ASCC1: variants seen among roughly 807,000 people sequenced by gnomAD.
The protein encoded by ASCC1 is ASC-1 complex subunit P50.
ASCC1 carries 35 observed loss-of-function variants against 46.6 expected under a neutral mutation model. The ratio of observed to expected loss-of-function variants is 0.75; its 90% CI spans 0.57 to 0.99. ASCC1 has a LOEUF of 0.99. Among genes scored for constraint, ASCC1 ranks in the 50% least tolerant of loss-of-function variants. The pLI, the probability that ASCC1 is intolerant of heterozygous loss-of-function variation, is 0.00. For synonymous variants in ASCC1, 143 were observed against 146.6 expected, an observed-to-expected ratio of 0.98 and a Z score of 0.18; for missense variants, 376 against 428.7, an observed-to-expected ratio of 0.88 and a Z score of 1.09.
chr10:72,182,919 A>G (rs1000965286), intron 5 of ASCC1, among the ~76,000 whole-genome samples: 2 of 151,902 alleles, frequency 1.3e-5, no homozygotes, highest in Non-Finnish European at 2.9e-5. Flanking sequence ...GTATCAGATC[A>G]TATGCCATTA....
chr10:72,203,639 T>A, intron 3 of ASCC1, 115 bp from the exon 4 acceptor site: 1 of 792,504 alleles, frequency 1.3e-6, no homozygotes, highest in Non-Finnish European at 2.2e-6. Context: ...AGTAGTTCAG[T>A]AAAAGCTCAA....
At chr10:72,121,659 G>A (rs1667422558) in intron 9 of ASCC1, among the ~76,000 whole-genome samples, 1 of 152,146 alleles carries the variant, frequency 6.6e-6, no homozygotes, top group South Asian at 2.1e-4. Context: ...ATAAAGAGGA[G>A]CAATACATAA....
In ASCC1 at chr10:72,096,697, G is replaced by A. The variant is rs963166199; in HGVS notation, c.*637C>T. Reference sequence around the variant, plus strand: ...CTGATGGAGGAACAGAGTGTGGTACGCACATGTAACGGAACATTCCATTAT... The same window carrying A: ...CTGATGGAGGAACAGAGTGTGGTACACACATGTAACGGAACATTCCATTAT... On this transcript the variant is annotated 3_prime_UTR_variant, in exon 10 of 10. Transcript: ENST00000672957. The A allele has an allele frequency of 8.8e-6, 4 of 453,968 alleles. No homozygotes were observed. Among genetic ancestry groups the A allele is most frequent in the South Asian group, 3.1e-5 (2 of 64,480 alleles). The allele number at this position is 453,968 out of a possible 1,614,324, so 28.1% of individuals were successfully genotyped here.
At chr10:72,141,108 T>G (rs977824131) in intron 7 of ASCC1, among the ~76,000 whole-genome samples, 2 of 151,506 alleles carry the variant, frequency 1.3e-5, no homozygotes, top group African/African-American at 2.4e-5. Flanking sequence ...CATAGAGATA[T>G]AGATATACAG....
chr10:72,141,086 T>TAG (rs750282322), intron 7 of ASCC1, among the ~76,000 whole-genome samples: 179 of 122,170 alleles, frequency 1.5e-3, no homozygotes, highest in African/African-American at 4.9e-3. Context: ...GATAGATAGA[T>TAG]ATAGATATAG....
intron 5 of ASCC1, among the ~76,000 whole-genome samples, chr10:72,167,852 G>A (rs969756472): frequency 2.0e-5 from 3 of 151,882 alleles, no homozygotes; most frequent in African/African-American, 7.3e-5. Context: ...TGCCCAGGCT[G>A]GTTTCAAACT....
rs770609737 is a variant in ASCC1 at position 72,196,810 on chromosome 10, C to T, written c.489+1G>A. 1.2e-6 allele frequency: 2 copies of T among 1,612,344 alleles called. No individual in the cohort carries two copies. The highest frequency in any genetic ancestry group is 1.3e-5 in the African/African-American group (1 of 74,894). On this transcript the variant is annotated splice_donor_variant, in intron 5 of 9. Transcript: ENST00000672957. LOFTEE classifies it high-confidence loss of function. ...AACCTTCTTGCTTTGTTTGCACTTA[C>T]CATGGAGCACTTCGCCAGTACTTCC...
At chr10:72,215,405 A>C (rs1462962333) in intron 1 of ASCC1, among the ~76,000 whole-genome samples, 1 of 152,228 alleles carries the variant, frequency 6.6e-6, no homozygotes, top group East Asian at 1.9e-4. Flanking sequence ...TCTCAAAAAA[A>C]TAAATAAAAT....
At chr10:72,174,295 C>T (rs1172346530) in intron 5 of ASCC1, among the ~76,000 whole-genome samples, 1 of 152,116 alleles carries the variant, frequency 6.6e-6, no homozygotes, top group East Asian at 1.9e-4. Context: ...ACCCTGGGCT[C>T]GAGTGGGGCA....
At chr10:72,129,446 G>C (rs1187383242) in intron 8 of ASCC1, among the ~76,000 whole-genome samples, 1 of 151,536 alleles carries the variant, frequency 6.6e-6, no homozygotes, top group Admixed American at 6.6e-5. Context: ...GAAGCAGAAG[G>C]ACCACTTGAT....
intron 6 of ASCC1, among the ~76,000 whole-genome samples, chr10:72,160,951 C>T (rs997477783): frequency 4.0e-5 from 6 of 151,714 alleles, no homozygotes; most frequent in East Asian, 3.9e-4. Context: ...GACGCGGTGG[C>T]GGGCGCCTGT....
At chr10:72,119,847 A>G (rs774099912) in intron 9 of ASCC1, among the ~76,000 whole-genome samples, 3 of 152,192 alleles carry the variant, frequency 2.0e-5, no homozygotes. Context: ...AAGGACTCCA[A>G]TGGATAAAGG....
chr10:72,149,056 T>C (rs865929283), intron 7 of ASCC1, among the ~76,000 whole-genome samples: 16 of 152,228 alleles, frequency 1.1e-4, no homozygotes, highest in Non-Finnish European at 1.9e-4. Context: ...TTGTCTTCTA[T>C]TAAAGAGATT....
intron 9 of ASCC1, among the ~76,000 whole-genome samples, chr10:72,100,040 T>A (rs1300825707): frequency 6.6e-6 from 1 of 152,210 alleles, no homozygotes; most frequent in African/African-American, 2.4e-5. Flanking sequence ...CCTTTGTAAG[T>A]CGCCATGTTC....
chr10:72,207,060 G>A (rs1189012585), intron 3 of ASCC1, among the ~76,000 whole-genome samples: 2 of 152,112 alleles, frequency 1.3e-5, no homozygotes, highest in African/African-American at 2.4e-5. Flanking sequence ...ACCTATACTG[G>A]CACCTTTTCA....
At chr10:72,139,108 CT>C (rs1410544512) in intron 7 of ASCC1, among the ~76,000 whole-genome samples, 28 of 144,770 alleles carry the variant, frequency 1.9e-4, no homozygotes, top group African/African-American at 7.2e-4. Flanking sequence ...TTTCTTTTTT[CT>C]TTTTCTTTTT....
At chr10:72,215,435 G>A (rs540698744) in intron 1 of ASCC1, among the ~76,000 whole-genome samples, 3 of 152,242 alleles carry the variant, frequency 2.0e-5, no homozygotes, top group Admixed American at 6.5e-5. Flanking sequence ...TGAGTTGTGC[G>A]CTTACAGAAC....
At chr10:72,112,440 A>C (rs1843015718) in intron 9 of ASCC1, among the ~76,000 whole-genome samples, 1 of 151,964 alleles carries the variant, frequency 6.6e-6, no homozygotes, top group Non-Finnish European at 1.5e-5. Flanking sequence ...GTTGTTCATT[A>C]AAATGAGTTT....
At position 72,100,322 on chromosome 10, in the gene ASCC1, G is replaced by A. The variant is rs145354133; in HGVS notation, c.958-2872C>T. On this transcript the variant is annotated intron_variant, in intron 9 of 9. Coordinates refer to ENST00000672957, the MANE Select transcript of ASCC1 (RefSeq NM_001198800.3). ...CAGCTCACCACAACCTCTGCCTCCCGGGTTCAAGCTATTCTCCCTCAGCCT... is the reference window on the plus strand; with the variant it reads ...CAGCTCACCACAACCTCTGCCTCCCAGGTTCAAGCTATTCTCCCTCAGCCT... Among the ~76,000 whole-genome samples the A allele has an allele frequency of 2.1e-4, 32 of 151,650 alleles. No homozygotes were observed. The East Asian group carries it at 3.9e-3, about 18-fold the overall frequency.
Sources: allele counts gnomAD v4.1 joint callset (sites outside exome capture counted in the v4.1 genomes callset), GRCh38; gene constraint gnomAD v4.1.1; transcripts MANE v1.5; gene names NCBI Gene and HGNC (gene_info 2026-07-23, HGNC 2026-07-21).